The following VCL variants were observed in gnomAD, a reference collection of about 807,000 sequenced individuals.
VCL encodes vinculin.
VCL carries 47 observed loss-of-function variants against 125.7 expected under a neutral mutation model. The ratio of observed to expected loss-of-function variants is 0.37; its 90% confidence interval spans 0.30 to 0.48. VCL has a LOEUF of 0.48. Among genes scored for constraint, VCL ranks in the 20% least tolerant of loss-of-function variants. VCL has a pLI of 0.99. For missense variants in VCL, 1,069 were observed against 1,455.5 expected, an observed-to-expected ratio of 0.73 and a Z score of 4.32; for synonymous variants, 458 against 514.6, an observed-to-expected ratio of 0.89 and a Z score of 1.49.
At chr10:74,108,344 T>C (rs1229615321) in intron 17 of VCL, among the ~76,000 whole-genome samples, 1 of 152,254 alleles carries the variant, frequency 6.6e-6, no homozygotes, top group Non-Finnish European at 1.5e-5. Flanking sequence ...TACTTGCCTA[T>C]GTAGCTGCTT....
chr10:74,114,475 A>G, intron 20 of VCL, 88 bp downstream of exon 20: 1 of 1,485,324 alleles, frequency 6.7e-7, no homozygotes, highest in South Asian at 1.2e-5. Context: ...TATGAGAGGG[A>G]GAAAAGCAGG....
At chr10:74,104,696 C>T (rs757238229) in intron 15 of VCL, among the ~76,000 whole-genome samples, 4 of 152,036 alleles carry the variant, frequency 2.6e-5, no homozygotes, top group East Asian at 1.9e-4. Context: ...GTGAGAGGGA[C>T]AGGGAGAAAA....
At chr10:74,037,925 A>G (rs1841013387) in intron 1 of VCL, among the ~76,000 whole-genome samples, 1 of 152,342 alleles carries the variant, frequency 6.6e-6, no homozygotes, top group South Asian at 2.1e-4. Context: ...GTGGCAATTA[A>G]AATGAAATAA....
chr10:74,084,931 A>G (rs776014621), intron 8 of VCL, among the ~76,000 whole-genome samples: 1 of 152,200 alleles, frequency 6.6e-6, no homozygotes, highest in Non-Finnish European at 1.5e-5. Context: ...ATTTTTAATG[A>G]CATGGCCTTG....
intron 14 of VCL, 49 bp from the exon 15 acceptor site, chr10:74,103,771 C>A: frequency 6.4e-7 from 1 of 1,561,868 alleles, no homozygotes. Flanking sequence ...AGGTTTGTAT[C>A]TGGAGAGCAA....
rs1565628951 is a variant in VCL, at chr10:73,998,358, G to A, written c.151G>A (p.Val51Ile). ...GCCCGTGGCCGCCGTGCAGGCGGCCGTCAGCAACCTCGTCCGGGTGAGCGC... is the reference window on the plus strand; with the variant it reads ...GCCCGTGGCCGCCGTGCAGGCGGCCATCAGCAACCTCGTCCGGGTGAGCGC... ...TAPVAAVQAAVSNLVRVGKET... is the reference protein window; with the variant it reads ...TAPVAAVQAAISNLVRVGKET... Residue 51 changes from valine (V) to isoleucine (I), a missense_variant, in exon 1 of 22, where the codon GTC becomes ATC. This residue lies in a region of VCL where 96 missense variants were observed against 137.6 expected (regional missense o/e 0.70). Transcript: ENST00000211998. 1 of 1,544,270 alleles carries A rather than the reference G, an allele frequency of 6.5e-7. No homozygotes were observed. The highest frequency in any genetic ancestry group is 8.7e-7 in the Non-Finnish European group (1 of 1,143,188).
chr10:74,074,435 T>A (rs1408272356), intron 5 of VCL, among the ~76,000 whole-genome samples: 4 of 152,224 alleles, frequency 2.6e-5, no homozygotes, highest in African/African-American at 9.7e-5. Flanking sequence ...AGGGCCAGGA[T>A]GATAACTGAT....
At chr10:74,039,954 G>A (rs1346483365) in intron 1 of VCL, among the ~76,000 whole-genome samples, 1 of 152,044 alleles carries the variant, frequency 6.6e-6, no homozygotes, top group Non-Finnish European at 1.5e-5. Context: ...CCTCCCTGAG[G>A]TTCAGCCACT....
chr10:74,072,096 G>A (rs1010599392), intron 4 of VCL, among the ~76,000 whole-genome samples: 2 of 152,148 alleles, frequency 1.3e-5, no homozygotes, highest in African/African-American at 4.8e-5. Context: ...AAGCTTTAGA[G>A]AATCACATAG....
chr10:74,017,046 C>CTTTTTTTTTT (rs549275362), intron 1 of VCL, among the ~76,000 whole-genome samples: 1,826 of 112,804 alleles, frequency 0.016, 190 homozygotes, highest in African/African-American at 0.043. Context: ...AATTTCCTTC[C>CTTTTTTTTTT]TTTTTTTTTT....
At position 74,097,253 on chromosome 10, in the gene VCL, T is replaced by C. The variant is rs763977443; in HGVS notation, c.1793T>C (p.Val598Ala). ...GCCATGACTCAGGAAGTGTCAGATG[T>C]TTTCAGCGATACCACAACTCCCATC... ...QEAMTQEVSD[V>A]FSDTTTPIKL... The change falls in exon 13 of 22, where the codon GTT becomes GCT. Residue 598 changes from valine (V) to alanine (A), a missense_variant. Transcript: ENST00000211998. The surrounding 1 kb of genome is among the most constrained non-coding windows in gnomAD (Gnocchi z 4.1). 1.2e-6 allele frequency: 2 copies of C among 1,614,092 alleles called. No individual in the cohort carries two copies. Among genetic ancestry groups the C allele is most frequent in the Non-Finnish European group, 1.7e-6 (2 of 1,179,972 alleles).
intron 19 of VCL, among the ~76,000 whole-genome samples, chr10:74,112,387 C>T (rs957359430): frequency 2.6e-5 from 4 of 152,246 alleles, no homozygotes; most frequent in South Asian, 2.1e-4. Context: ...TTGTGGCCAT[C>T]GCTGGAAACC....
chr10:74,114,285 G>C lies in VCL; in HGVS notation c.3051G>C (p.Gln1017His), dbSNP rs756849548. The part of the protein sequence containing the change: ...GGSGTKRALI[Q>H]CAKDIAKASD... ...GTGGTACCAAGCGGGCACTCATTCA[G>C]TGTGCCAAGGACATCGCCAAGGCCT... Residue 1017 changes from glutamine to histidine, a missense_variant, in exon 20 of 22, where the codon CAG (glutamine) becomes CAC (histidine). By Grantham distance (24) the Gln-to-His change is conservative (BLOSUM62 0). Transcript: ENST00000211998. 2 of 1,614,156 alleles carry C rather than the reference G, an allele frequency of 1.2e-6. No individual in the cohort carries two copies. The highest frequency in any genetic ancestry group is 1.7e-6 in the Non-Finnish European group (2 of 1,180,048).
At chr10:74,002,322 T>C (rs1452393186) in intron 1 of VCL, among the ~76,000 whole-genome samples, 1 of 151,270 alleles carries the variant, frequency 6.6e-6, no homozygotes, top group African/African-American at 2.4e-5. Context: ...ACGGGGTTTC[T>C]CCATGTTGGT....
At chr10:74,080,454 TAAGGAGGGGG>T (rs1446633522) in intron 6 of VCL, among the ~76,000 whole-genome samples, 2 of 152,184 alleles carry the variant, frequency 1.3e-5, no homozygotes, top group South Asian at 2.1e-4. Flanking sequence ...TTCAATGAGG[TAAGGAGGGGG>T]AAAGTAGCTA....
chr10:74,017,794 CTTG>C (rs1212186496), intron 1 of VCL, among the ~76,000 whole-genome samples: 3 of 151,782 alleles, frequency 2.0e-5, no homozygotes, highest in Non-Finnish European at 2.9e-5. Context: ...TCTTGTTGTT[CTTG>C]TTGTTTTTCT....
At chr10:74,066,975 A>T (rs1841579635) in intron 2 of VCL, among the ~76,000 whole-genome samples, 1 of 152,146 alleles carries the variant, frequency 6.6e-6, no homozygotes, top group Non-Finnish European at 1.5e-5. Flanking sequence ...GCATAAAATG[A>T]TTATTGACTT....
Position 74,064,884 on chromosome 10 carries a change from C to A in VCL, c.240-5786C>A, listed in dbSNP as rs573137276. On this transcript the variant is annotated intron_variant, in intron 2 of 21. Coordinates refer to ENST00000211998, the MANE Select transcript of VCL (RefSeq NM_014000.3). ...TTAAGACCACATTTTCTACACAACT[C>A]ATTTGAATGATAAATCAATGATCAG... 3.9e-5 allele frequency among the ~76,000 whole-genome samples: 6 copies of A among 152,272 alleles called. No individual in the cohort carries two copies. The South Asian group carries it at 1.2e-3, about 32-fold the overall frequency.
At position 74,100,323 on chromosome 10, in the gene VCL, G is replaced by T. The variant is rs551394134; in HGVS notation, c.1873-625G>T. Among the ~76,000 whole-genome samples, 7 of 152,334 alleles carry T rather than the reference G, an allele frequency of 4.6e-5. No individual in the cohort carries two copies. The East Asian group carries it at 1.3e-3, about 29-fold the overall frequency. ...CTTTTTTAGAATTTGAGAGCTGAAT[G>T]AACAATTAAGTAGATGATTTTGCAT... On this transcript the variant is annotated intron_variant, in intron 13 of 21. Transcript: ENST00000211998.
Sources: gnomAD v4.1 joint callset for allele counts (sites outside exome capture counted in the v4.1 genomes callset) on GRCh38, gnomAD v4.1.1 for gene constraint, gnomAD v4.1.1 regional missense constraint, Gnocchi (gnomAD v3.1) non-coding constraint, MANE v1.5 for transcripts, NCBI Gene and HGNC (gene_info 2026-07-23, HGNC 2026-07-21) for gene names.